The following TNFRSF1B variants were observed in gnomAD, a reference collection of about 807,000 sequenced individuals.
The protein encoded by TNFRSF1B is tumor necrosis factor receptor superfamily member 1B.
A neutral mutation model predicts 44.6 loss-of-function variants in TNFRSF1B; 19 were observed. The observed-to-expected ratio is 0.43, with a 90% confidence interval of 0.30 to 0.62. The LOEUF is 0.62. TNFRSF1B is among the 20% of genes least tolerant of loss of function. The pLI is 0.16. For missense variants in TNFRSF1B, 541 were observed against 619.9 expected, an observed-to-expected ratio of 0.87 and a Z score of 1.35; for synonymous variants, 252 against 261.1, an observed-to-expected ratio of 0.97 and a Z score of 0.34.
chr1:12,183,781 T>C (rs60999616), intron 1 of TNFRSF1B, among the ~76,000 whole-genome samples: 37 of 129,990 alleles, frequency 2.8e-4, no homozygotes, highest in South Asian at 7.6e-4. Flanking sequence ...ATCTATTCTA[T>C]CTACCTACCT....
At chr1:12,205,115 A>G (rs529651300) in intron 9 of TNFRSF1B, among the ~76,000 whole-genome samples, 1 of 152,132 alleles carries the variant, frequency 6.6e-6, no homozygotes, top group African/African-American at 2.4e-5. Context: ...AGAAATGGGG[A>G]GGGACCCAGA....
intron 8 of TNFRSF1B, among the ~76,000 whole-genome samples, chr1:12,196,940 A>ATT (rs113856503): frequency 0.014 from 2,006 of 140,728 alleles, 49 homozygotes; most frequent in African/African-American, 0.05. Context: ...TCCCTTTTCC[A>ATT]TTTTTTTTTT....
At chr1:12,193,323 AGT>A (rs1384723292) in intron 6 of TNFRSF1B, among the ~76,000 whole-genome samples, 1 of 152,226 alleles carries the variant, frequency 6.6e-6, no homozygotes, top group Non-Finnish European at 1.5e-5. Context: ...CTGTAATCCC[AGT>A]GCTTTGGGAG....
rs572810479 is a variant in TNFRSF1B at position 12,206,613 on chromosome 1, G to T, written c.1106-127G>T. On this transcript the variant is annotated intron_variant, in intron 9 of 9. Transcript: ENST00000376259. ...AAGGTCACACAGCAGAGCTGGGCTA[G>T]AATCTTGGTCTCGGCTCCTGGCCCA... 113 of 1,037,962 alleles carry T rather than the reference G, an allele frequency of 1.1e-4. 1 individual carries two copies. In the African/African-American group the frequency reaches 1.5e-3, roughly 14 times the overall value. The allele number at this position is 1,037,962 out of a possible 1,614,324, so 64.3% of individuals were successfully genotyped here.
chr1:12,192,292 G>C (rs989303093), intron 4 of TNFRSF1B, 139 bp from the exon 5 acceptor site: 1 of 731,024 alleles, frequency 1.4e-6, no homozygotes, highest in Admixed American at 2.0e-5. Flanking sequence ...GTGTGTGTGT[G>C]TGTGTGTGTG....
intron 1 of TNFRSF1B, among the ~76,000 whole-genome samples, chr1:12,183,801 T>G (rs945927565): frequency 7.2e-5 from 10 of 138,822 alleles, no homozygotes; most frequent in African/African-American, 2.1e-4. Flanking sequence ...TATCTATCTA[T>G]CTAGCTATCT....
rs1398573726 is a variant in TNFRSF1B at position 12,187,705 on chromosome 1, G to T, written c.79-1091G>T. On this transcript the variant is annotated intron_variant, in intron 1 of 9. Transcript: ENST00000376259. This position sits in a 1 kb window ranked among gnomAD's most constrained non-coding sequence, Gnocchi z 5.5. ...GAAGTCTTGCTGAGACCACACACCT[G>T]TCTCAGGTAGGGTCTTCCAGAAGCA... 6.6e-6 allele frequency among the ~76,000 whole-genome samples: 1 copy of T among 152,232 alleles called. No homozygotes were observed. Among genetic ancestry groups the T allele is most frequent in the Admixed American group, 6.5e-5 (1 of 15,294 alleles).
At chr1:12,189,426 A>G (rs1273313756) in intron 2 of TNFRSF1B, among the ~76,000 whole-genome samples, 1 of 152,226 alleles carries the variant, frequency 6.6e-6, no homozygotes, top group Admixed American at 6.5e-5. Flanking sequence ...ACGTGGCGCA[A>G]TGCCATGTAG....
At chr1:12,195,353 A>G (rs1419643238) in intron 8 of TNFRSF1B, among the ~76,000 whole-genome samples, 2 of 152,162 alleles carry the variant, frequency 1.3e-5, no homozygotes, top group Non-Finnish European at 2.9e-5. Flanking sequence ...TAAGAAGTCA[A>G]GGGGTTGGTG....
chr1:12,167,075 G>A lies in TNFRSF1B; in HGVS notation c.-17G>A. ...GAGGGCGCGAGGGCAGGGGGCAACC[G>A]GACCCCGCCCGCACCCATGGCGCCC... On this transcript the variant is annotated 5_prime_UTR_variant, in exon 1 of 10. Coordinates refer to ENST00000376259, the MANE Select transcript of TNFRSF1B (RefSeq NM_001066.3). 7.7e-7 allele frequency: 1 copy of A among 1,300,926 alleles called. No individual in the cohort carries two copies. Among genetic ancestry groups the A allele is most frequent in the South Asian group, 2.1e-5 (1 of 47,018 alleles). The allele number at this position is 1,300,926 out of a possible 1,614,324, so 80.6% of individuals were successfully genotyped here. A position where few individuals can be genotyped will look rare whatever the true frequency, so the allele number is the denominator to read the frequency against.
In TNFRSF1B at chr1:12,167,091, C is replaced by T; in HGVS notation, c.-1C>T. 2 of 1,331,212 alleles carry T rather than the reference C, an allele frequency of 1.5e-6. No individual in the cohort carries two copies. Among genetic ancestry groups the T allele is most frequent in the South Asian group, 3.7e-5 (2 of 53,928 alleles). The allele number at this position is 1,331,212 out of a possible 1,614,324, so 82.5% of individuals were successfully genotyped here. On this transcript the variant is annotated 5_prime_UTR_variant, in exon 1 of 10. Transcript: ENST00000376259. ...GGGGCAACCGGACCCCGCCCGCACC[C>T]ATGGCGCCCGTCGCCGTCTGGGCCG...
Position 12,199,680 on chromosome 1 carries a change from G to A in TNFRSF1B, c.901-2287G>A, listed in dbSNP as rs1639345988. On this transcript the variant is annotated intron_variant, in intron 8 of 9. Transcript: ENST00000376259. The surrounding 1 kb of genome is among the most constrained non-coding windows in gnomAD (Gnocchi z 4.0). ...ATCTGGAATTGTAGCTCCCTCTGGA[G>A]GGAGGCAGGAGGTCTCAGCCTTTCT... Among the ~76,000 whole-genome samples, 3 of 152,168 alleles carry A rather than the reference G, an allele frequency of 2.0e-5. No homozygotes were observed. The South Asian group carries it at 6.2e-4, about 32-fold the overall frequency.
At position 12,168,911 on chromosome 1, in the gene TNFRSF1B, C is replaced by G. The variant is rs1389336594; in HGVS notation, c.78+1742C>G. ...TCCCAATGGTTGAGGCAGAAACTCC[C>G]CTGGAGATCCCAGGCCAGAGTAAGG... On this transcript the variant is annotated intron_variant, in intron 1 of 9. Transcript: ENST00000376259. This position sits in a 1 kb window ranked among gnomAD's most constrained non-coding sequence, Gnocchi z 4.7. 6.6e-6 allele frequency among the ~76,000 whole-genome samples: 1 copy of G among 152,126 alleles called. No individual in the cohort carries two copies.
intron 9 of TNFRSF1B, among the ~76,000 whole-genome samples, chr1:12,205,255 C>T (rs528279004): frequency 1.1e-4 from 16 of 151,870 alleles, no homozygotes; most frequent in Middle Eastern, 6.8e-3. Flanking sequence ...GCTGAGGGAG[C>T]GGCCTGTGCA....
chr1:12,204,200 A>C (rs1210973293), intron 9 of TNFRSF1B, among the ~76,000 whole-genome samples: 7 of 144,536 alleles, frequency 4.8e-5, no homozygotes, highest in South Asian at 2.2e-4. Context: ...TCTCCCTCCC[A>C]CCCCTAACAC....
rs959921185 is a variant in TNFRSF1B, at chr1:12,187,995, AC to A, written c.79-798del. ...AGGGGTCTGAGTGGGGTGCAACAGC[AC>A]CCACCAATTCGAGCAGCAGAAACGC... On this transcript the variant is annotated intron_variant, in intron 1 of 9. Coordinates refer to ENST00000376259, the MANE Select transcript of TNFRSF1B (RefSeq NM_001066.3). The surrounding 1 kb of genome is among the most constrained non-coding windows in gnomAD (Gnocchi z 5.5). Among the ~76,000 whole-genome samples the A allele has an allele frequency of 6.6e-6, 1 of 152,126 alleles. No individual in the cohort carries two copies. Among genetic ancestry groups the A allele is most frequent in the Non-Finnish European group, 1.5e-5 (1 of 68,020 alleles).
At position 12,208,645 on chromosome 1, in the gene TNFRSF1B, AAGG is replaced by A. The variant is rs1308972731; in HGVS notation, c.*1628_*1630del. The A allele has an allele frequency of 4.6e-5, 7 of 152,450 alleles. No individual in the cohort carries two copies. The highest frequency in any genetic ancestry group is 7.2e-5 in the African/African-American group (3 of 41,584). The allele number at this position is 152,450 out of a possible 1,614,324, so 9.4% of individuals were successfully genotyped here. ...GCTCAGTCTCAGGAGCATGGGGATAAAGGAGAAGGCATGAAATTGTCTAGCAGA... is the reference window on the plus strand; with the variant it reads ...GCTCAGTCTCAGGAGCATGGGGATAAAGAAGGCATGAAATTGTCTAGCAGA... On this transcript the variant is annotated 3_prime_UTR_variant, in exon 10 of 10. Transcript: ENST00000376259.
chr1:12,170,128 C>T (rs1438243677), intron 1 of TNFRSF1B, among the ~76,000 whole-genome samples: 4 of 152,190 alleles, frequency 2.6e-5, no homozygotes, highest in South Asian at 2.1e-4. Context: ...TGGTCAGGCA[C>T]GTCTTCAGAG....
At position 12,178,761 on chromosome 1, in the gene TNFRSF1B, T is replaced by C. The variant is rs1227456747; in HGVS notation, c.79-10035T>C. Among the ~76,000 whole-genome samples, 2 of 152,014 alleles carry C rather than the reference T, an allele frequency of 1.3e-5. No homozygotes were observed. The highest frequency in any genetic ancestry group is 2.9e-5 in the Non-Finnish European group (2 of 67,986). The stretch of plus-strand genomic sequence containing the variant: ...GGGGGCGGAGGAGCCAGGTGCTGCT[T>C]TGTGTTGTGACAGCAACAGGTGAGT... On this transcript the variant is annotated intron_variant, in intron 1 of 9. Transcript: ENST00000376259. This position sits in a 1 kb window ranked among gnomAD's most constrained non-coding sequence, Gnocchi z 4.3.
Sources: gnomAD v4.1 joint callset for allele counts (sites outside exome capture counted in the v4.1 genomes callset) on GRCh38, gnomAD v4.1.1 for gene constraint, Gnocchi (gnomAD v3.1) non-coding constraint, MANE v1.5 for transcripts, NCBI Gene and HGNC (gene_info 2026-07-23, HGNC 2026-07-21) for gene names.